LRMDA: variants seen among roughly 807,000 people sequenced by gnomAD.
LRMDA encodes the protein leucine-rich melanocyte differentiation-associated protein.
LRMDA carries 18 observed loss-of-function variants against 29.8 expected under a neutral mutation model. The ratio of observed to expected loss-of-function variants is 0.60; its 90% CI spans 0.42 to 0.90. LRMDA has a LOEUF of 0.90. Among genes scored for constraint, LRMDA ranks in the 40% least tolerant of loss-of-function variants. The probability of loss-of-function intolerance (pLI) is 0.00; values close to 1 mark genes in which losing one functional copy is unlikely to be tolerated. For missense variants in LRMDA, 273 were observed against 273.9 expected, an observed-to-expected ratio of 1.00 and a Z score of 0.02; for synonymous variants, 125 against 109.4, an observed-to-expected ratio of 1.14 and a Z score of -0.89.
intron 2 of LRMDA, among the ~76,000 whole-genome samples, chr10:75,920,181 A>G (rs1374327931): frequency 6.6e-6 from 1 of 152,132 alleles, no homozygotes; most frequent in Non-Finnish European, 1.5e-5. Context: ...CTGGCTCCCT[A>G]GAGACCTTCA....
chr10:75,927,338 G>A (rs1846136997), intron 2 of LRMDA, among the ~76,000 whole-genome samples: 1 of 152,166 alleles, frequency 6.6e-6, no homozygotes. Context: ...AACTGTATAA[G>A]TCTTCAGCCT....
chr10:76,281,955 C>A (rs1413417765), intron 5 of LRMDA, among the ~76,000 whole-genome samples: 1 of 152,130 alleles, frequency 6.6e-6, no homozygotes, highest in East Asian at 1.9e-4. Flanking sequence ...TGTAGCCCTG[C>A]CTGAAAATGT....
intron 2 of LRMDA, among the ~76,000 whole-genome samples, chr10:75,877,772 C>G (rs965293414): frequency 6.6e-6 from 1 of 152,202 alleles, no homozygotes; most frequent in Non-Finnish European, 1.5e-5. Flanking sequence ...AGGGGAGGGG[C>G]TGATGGGACT....
intron 5 of LRMDA, among the ~76,000 whole-genome samples, chr10:76,219,495 A>G (rs569328543): frequency 6.6e-6 from 1 of 152,206 alleles, no homozygotes; most frequent in Non-Finnish European, 1.5e-5. Flanking sequence ...ACTTTAAACC[A>G]ACAAAGATCA....
At chr10:75,893,932 C>CAAA (rs59406150) in intron 2 of LRMDA, among the ~76,000 whole-genome samples, 1 of 128,632 alleles carries the variant, frequency 7.8e-6, no homozygotes, top group African/African-American at 2.9e-5. Context: ...CTCCGTCTCA[C>CAAA]AAAAAAAAAA....
chr10:75,809,349 A>G (rs994030212), intron 2 of LRMDA, among the ~76,000 whole-genome samples: 43 of 152,202 alleles, frequency 2.8e-4, no homozygotes, highest in African/African-American at 9.2e-4. Flanking sequence ...GTGGTCATCA[A>G]AAAGCAGACA....
chr10:75,759,308 G>T (rs1457167707), intron 2 of LRMDA, among the ~76,000 whole-genome samples: 2 of 152,250 alleles, frequency 1.3e-5, no homozygotes, highest in African/African-American at 4.8e-5. Flanking sequence ...AAGAAGATAA[G>T]CTTCTAAATT....
chr10:75,904,040 T>C (rs545020854), intron 2 of LRMDA, among the ~76,000 whole-genome samples: 2 of 152,332 alleles, frequency 1.3e-5, no homozygotes, highest in African/African-American at 2.4e-5. Flanking sequence ...TACTACCGTA[T>C]TGAACCTTGG....
chr10:76,232,265 C>G (rs1378745997), intron 5 of LRMDA, among the ~76,000 whole-genome samples: 2 of 152,000 alleles, frequency 1.3e-5, no homozygotes, highest in African/African-American at 4.8e-5. Flanking sequence ...ATTTATATTT[C>G]TGATGATATA....
chr10:76,056,307 A>C (rs922925335), intron 4 of LRMDA, among the ~76,000 whole-genome samples: 3 of 152,206 alleles, frequency 2.0e-5, no homozygotes, highest in African/African-American at 7.2e-5. Context: ...GGGTGGCCAC[A>C]GCAGGGTCCA....
chr10:76,038,293 G>A (rs1848285294), intron 3 of LRMDA, among the ~76,000 whole-genome samples: 1 of 152,226 alleles, frequency 6.6e-6, no homozygotes, highest in African/African-American at 2.4e-5. Flanking sequence ...CCAGAGATAA[G>A]CAGGCCTCTT....
chr10:76,028,328 A>G (rs189148781), intron 2 of LRMDA, among the ~76,000 whole-genome samples: 52 of 152,250 alleles, frequency 3.4e-4, no homozygotes, highest in African/African-American at 1.2e-3. Flanking sequence ...TTCCTTAATG[A>G]TTTATAAAAG....
At chr10:75,525,493 G>T (rs1845403012) in intron 2 of LRMDA, among the ~76,000 whole-genome samples, 1 of 152,050 alleles carries the variant, frequency 6.6e-6, no homozygotes, top group South Asian at 2.1e-4. Flanking sequence ...GTTCTGAATG[G>T]GTTGGCTAAT....
Position 76,499,613 on chromosome 10 carries a change from C to A in LRMDA, c.602-57596C>A, listed in dbSNP as rs1423960710. ...AATTATTTCTTATACACCCTTCTCC[C>A]AGATTTCCCAGTTATTAACAGCTTA... On this transcript the variant is annotated intron_variant, in intron 6 of 6. Coordinates refer to ENST00000611255, the MANE Select transcript of LRMDA (RefSeq NM_001305581.2). Among the ~76,000 whole-genome samples, 2 of 74,396 alleles carry A rather than the reference C, an allele frequency of 2.7e-5. 1 individual carries two copies. The highest frequency in any genetic ancestry group is 8.9e-5 in the Non-Finnish European group (2 of 22,512). The allele number at this position is 74,396 out of a possible 152,430, so 48.8% of individuals were successfully genotyped here. A position where few individuals can be genotyped will look rare whatever the true frequency, so the allele number is the denominator to read the frequency against.
At chr10:76,529,741 AG>A (rs779131630) in intron 6 of LRMDA, among the ~76,000 whole-genome samples, 4 of 152,108 alleles carry the variant, frequency 2.6e-5, no homozygotes, top group Admixed American at 1.3e-4. Flanking sequence ...CTTCTCTGGT[AG>A]GGAGACTATA....
At chr10:75,733,113 G>C (rs1842718860) in intron 2 of LRMDA, among the ~76,000 whole-genome samples, 4 of 152,168 alleles carry the variant, frequency 2.6e-5, no homozygotes, top group Admixed American at 2.6e-4. Context: ...ATGTCTCAGG[G>C]GTGGATGAAA....
intron 2 of LRMDA, among the ~76,000 whole-genome samples, chr10:75,627,889 A>G (rs1841272104): frequency 6.6e-6 from 1 of 152,212 alleles, no homozygotes; most frequent in Admixed American, 6.5e-5. Context: ...TTAAATCGCA[A>G]AAATAATCAT....
At chr10:76,061,385 GGA>G (rs1848699081) in intron 5 of LRMDA, among the ~76,000 whole-genome samples, 2 of 152,256 alleles carry the variant, frequency 1.3e-5, no homozygotes, top group East Asian at 3.9e-4. Context: ...AAGATTGGGA[GGA>G]GAGAGAGGAG....
intron 2 of LRMDA, among the ~76,000 whole-genome samples, chr10:75,865,243 G>A (rs1322717562): frequency 6.6e-6 from 1 of 152,198 alleles, no homozygotes; most frequent in Non-Finnish European, 1.5e-5. Context: ...GTGATAGAAA[G>A]CAGAATAATA....
Sources: allele counts gnomAD v4.1 joint callset (sites outside exome capture counted in the v4.1 genomes callset), GRCh38; gene constraint gnomAD v4.1.1; transcripts MANE v1.5; gene names NCBI Gene and HGNC (gene_info 2026-07-23, HGNC 2026-07-21).